The following PEX14 variants were observed in gnomAD, a reference collection of about 807,000 sequenced individuals.
The protein encoded by PEX14 is peroxisomal membrane protein PEX14.
In PEX14, 15 loss-of-function variants were observed where a neutral mutation model predicts 49.5. The observed-to-expected ratio is 0.30, with a 90% CI of 0.20 to 0.47. The LOEUF (loss-of-function observed/expected upper bound fraction) is 0.47, where lower values mean the gene tolerates loss of function less well. PEX14 is among the 20% of genes least tolerant of loss of function. The probability of loss-of-function intolerance (pLI) is 1.00; values close to 1 mark genes in which losing one functional copy is unlikely to be tolerated. For missense variants in PEX14, 398 were observed against 494.8 expected (o/e 0.80, Z 1.86); for synonymous variants, 210 against 212.7 (o/e 0.99, Z 0.11).
chr1:10,614,372 C>T (rs1177043700), intron 4 of PEX14, among the ~76,000 whole-genome samples: 1 of 152,118 alleles, frequency 6.6e-6, no homozygotes. Flanking sequence ...ATAAAATGTT[C>T]TTAACGTGAG....
intron 3 of PEX14, among the ~76,000 whole-genome samples, chr1:10,558,787 G>C (rs888153847): frequency 1.4e-4 from 22 of 151,732 alleles, no homozygotes; most frequent in African/African-American, 4.6e-4. Flanking sequence ...GAAAGAATTG[G>C]TGTCTTTGCA....
chr1:10,515,749 C>T (rs549616920), intron 2 of PEX14, among the ~76,000 whole-genome samples: 1 of 152,224 alleles, frequency 6.6e-6, no homozygotes, highest in Non-Finnish European at 1.5e-5. Context: ...TGCTTGTCTG[C>T]TTGTGATTTG....
chr1:10,576,470 T>G (rs1425584814), intron 3 of PEX14, among the ~76,000 whole-genome samples: 2 of 152,220 alleles, frequency 1.3e-5, no homozygotes, highest in African/African-American at 4.8e-5. Context: ...ACTGAACCAG[T>G]GATTTAAATA....
chr1:10,622,319 G>A (rs1216658615), intron 5 of PEX14, among the ~76,000 whole-genome samples: 5 of 152,158 alleles, frequency 3.3e-5, no homozygotes, highest in Non-Finnish European at 7.3e-5. Flanking sequence ...TCTGCCTTGT[G>A]TTTCCTTCTG....
intron 3 of PEX14, among the ~76,000 whole-genome samples, chr1:10,562,006 TTATAGGTGTA>T (rs1012902609): frequency 6.6e-6 from 1 of 152,136 alleles, no homozygotes; most frequent in Non-Finnish European, 1.5e-5. Flanking sequence ...ATAGCTAGGA[TTATAGGTGTA>T]TGCCACTGCG....
rs963219853 is a variant in PEX14, at chr1:10,572,596, G to A, written c.170-26642G>A. ...GTCACCCAGGCTGGAGTGCGGTGGC[G>A]CAATCTCAGCTCACTGCAAGCTCTG... is the stretch of plus-strand genomic sequence containing the variant. On this transcript the variant is annotated intron_variant, in intron 3 of 8. Coordinates refer to ENST00000356607, the MANE Select transcript of PEX14 (RefSeq NM_004565.3). Among the ~76,000 whole-genome samples, 14 of 152,130 alleles carry A rather than the reference G, an allele frequency of 9.2e-5. No individual in the cohort carries two copies. The South Asian group carries it at 2.5e-3, about 27-fold the overall frequency.
chr1:10,599,106 A>C, intron 3 of PEX14, 132 bp from the exon 4 acceptor site: 1 of 888,822 alleles, frequency 1.1e-6, no homozygotes, highest in Non-Finnish European at 1.9e-6. Flanking sequence ...GGAGAATCTG[A>C]AATCGGGGAG....
At chr1:10,614,519 C>A (rs1641358314) in intron 4 of PEX14, among the ~76,000 whole-genome samples, 1 of 152,144 alleles carries the variant, frequency 6.6e-6, no homozygotes, top group Admixed American at 6.5e-5. Context: ...ACCCACACAG[C>A]CAGCGTCTGC....
At chr1:10,535,830 T>G in intron 2 of PEX14, 1 of 352,028 alleles carries the variant, frequency 2.8e-6, no homozygotes, top group Non-Finnish European at 5.5e-6. Flanking sequence ...TTTAGACAGG[T>G]GGAGGCAGGA....
intron 2 of PEX14, among the ~76,000 whole-genome samples, chr1:10,506,169 T>C (rs1257296953): frequency 2.6e-5 from 4 of 152,226 alleles, no homozygotes; most frequent in African/African-American, 9.6e-5. Flanking sequence ...CACTCATCTG[T>C]ACCCCAGGAG....
In PEX14 at chr1:10,512,219, A is replaced by G. The variant is rs967652696; in HGVS notation, c.84+16898A>G. Among the ~76,000 whole-genome samples the G allele has an allele frequency of 6.6e-6, 1 of 152,112 alleles. No homozygotes were observed. The highest frequency in any genetic ancestry group is 6.5e-5 in the Admixed American group (1 of 15,272). On this transcript the variant is annotated intron_variant, in intron 2 of 8. Transcript: ENST00000356607. The surrounding 1 kb of genome is among the most constrained non-coding windows in gnomAD (Gnocchi z 4.6). ...GTGATCTGCCCTCCTCGGCCTCCCA[A>G]AGTGCTGAGATTACAGACGTGAGCC... is the stretch of plus-strand genomic sequence containing the variant.
chr1:10,502,897 A>T lies in PEX14; in HGVS notation c.84+7576A>T, dbSNP rs560043321. ...TTGCAGCCCCCCACCTCTTGGGCTCAGGTGATTCTCCCACCTCAGCCTCCC... is the reference window on the plus strand; with the variant it reads ...TTGCAGCCCCCCACCTCTTGGGCTCTGGTGATTCTCCCACCTCAGCCTCCC... On this transcript the variant is annotated intron_variant, in intron 2 of 8. Coordinates refer to ENST00000356607, the MANE Select transcript of PEX14 (RefSeq NM_004565.3). Among the ~76,000 whole-genome samples the T allele has an allele frequency of 2.7e-5, 4 of 150,362 alleles. No individual in the cohort carries two copies. In the East Asian group the frequency reaches 7.9e-4, roughly 30 times the overall value.
intron 3 of PEX14, among the ~76,000 whole-genome samples, chr1:10,537,569 A>C (rs1211544843): frequency 6.6e-6 from 1 of 152,126 alleles, no homozygotes; most frequent in East Asian, 1.9e-4. Context: ...AACCTGAGAC[A>C]AAATCTATGG....
chr1:10,608,043 C>T (rs1256608080), intron 4 of PEX14, among the ~76,000 whole-genome samples: 4 of 152,204 alleles, frequency 2.6e-5, no homozygotes, highest in Non-Finnish European at 4.4e-5. Context: ...TGTTGGCTCA[C>T]TGCAACCTCT....
intron 4 of PEX14, among the ~76,000 whole-genome samples, chr1:10,608,049 C>T (rs994297665): frequency 6.6e-6 from 1 of 152,170 alleles, no homozygotes; most frequent in Non-Finnish European, 1.5e-5. Context: ...CTCACTGCAA[C>T]CTCTACCTCA....
rs766579179 is a variant in PEX14, at chr1:10,629,506, C to G, written c.678-25C>G. On this transcript the variant is annotated intron_variant, in intron 8 of 8. Transcript: ENST00000356607. This position sits in a 1 kb window ranked among gnomAD's most constrained non-coding sequence, Gnocchi z 8.5. ...GGGGCGTCCTGAATGCCGCCACCAA[C>G]CTCCTCCCCTTCTTCTCCCTCTAGG... is the stretch of plus-strand genomic sequence containing the variant. The G allele has an allele frequency of 1.3e-6, 2 of 1,555,442 alleles. No homozygotes were observed. Among genetic ancestry groups the G allele is most frequent in the Non-Finnish European group, 1.8e-6 (2 of 1,128,848 alleles).
intron 2 of PEX14, among the ~76,000 whole-genome samples, chr1:10,531,176 G>T (rs138729844): frequency 6.6e-6 from 1 of 152,166 alleles, no homozygotes; most frequent in Non-Finnish European, 1.5e-5. Context: ...CAAGGAACAC[G>T]GCCTCTTTAG....
Position 10,628,941 on chromosome 1 carries a change from C to T in PEX14, c.678-590C>T, listed in dbSNP as rs947163576. Among the ~76,000 whole-genome samples the T allele has an allele frequency of 6.6e-6, 1 of 152,204 alleles. No homozygotes were observed. The highest frequency in any genetic ancestry group is 1.5e-5 in the Non-Finnish European group (1 of 68,030). On this transcript the variant is annotated intron_variant, in intron 8 of 8. Transcript: ENST00000356607. The surrounding 1 kb of genome is among the most constrained non-coding windows in gnomAD (Gnocchi z 4.5). ...GCTGGCCCAGGAACGGAGTACGGAG[C>T]AGAAGGGAGAGCTGCCTCTTCTGCG...
At chr1:10,551,714 A>G (rs1639339406) in intron 3 of PEX14, among the ~76,000 whole-genome samples, 1 of 152,118 alleles carries the variant, frequency 6.6e-6, no homozygotes, top group Admixed American at 6.6e-5. Flanking sequence ...TCTTATACCA[A>G]TTTTTCTTTA....
Sources: gnomAD v4.1 joint callset for allele counts (sites outside exome capture counted in the v4.1 genomes callset) on GRCh38, gnomAD v4.1.1 for gene constraint, Gnocchi (gnomAD v3.1) non-coding constraint, MANE v1.5 for transcripts, NCBI Gene and HGNC (gene_info 2026-07-23, HGNC 2026-07-21) for gene names.